Variants in GOSR2 observed in about 807,000 individuals in gnomAD.
GOSR2 encodes the protein 27 kDa Golgi SNARE protein.
In GOSR2, 20 loss-of-function variants were observed where a neutral mutation model predicts 27.9. That is an observed-to-expected ratio of 0.72 (90% CI 0.50 to 1.04). The LOEUF is 1.04. Among genes scored for constraint, GOSR2 ranks in the 50% least tolerant of loss-of-function variants. GOSR2 has a pLI of 0.00. For synonymous variants in GOSR2, 91 were observed against 98.8 expected (o/e 0.92, Z 0.47); for missense variants, 261 against 270.5 (o/e 0.97, Z 0.25).
chr17:46,930,549 A>G (rs1186007974), intron 2 of GOSR2: 4 of 153,996 alleles, frequency 2.6e-5, no homozygotes, highest in Non-Finnish European at 4.3e-5. Context: ...GGACGTCAAC[A>G]TTGCTCAGCC....
chr17:46,963,497 A>G (rs2091178754), intron 6 of GOSR2, among the ~76,000 whole-genome samples: 2 of 151,776 alleles, frequency 1.3e-5, no homozygotes, highest in Non-Finnish European at 2.9e-5. Flanking sequence ...GTGAGCCAAG[A>G]TCACACCACG....
chr17:46,928,902 T>C (rs950603794), intron 1 of GOSR2, among the ~76,000 whole-genome samples: 1 of 152,170 alleles, frequency 6.6e-6, no homozygotes, highest in African/African-American at 2.4e-5. Flanking sequence ...ACCTGGTTTC[T>C]CTTTCTCAGC....
At chr17:46,972,827 G>A (rs2091406650) in intron 6 of GOSR2, among the ~76,000 whole-genome samples, 1 of 152,100 alleles carries the variant, frequency 6.6e-6, no homozygotes, top group Middle Eastern at 3.4e-3. Context: ...GCATCTCGAG[G>A]GCAGAGCCTG....
At chr17:46,959,754 C>A (rs1181705519) in intron 6 of GOSR2, among the ~76,000 whole-genome samples, 1 of 152,182 alleles carries the variant, frequency 6.6e-6, no homozygotes, top group Non-Finnish European at 1.5e-5. Context: ...CCACTCTCCA[C>A]TACAAAACTT....
intron 6 of GOSR2, among the ~76,000 whole-genome samples, chr17:46,956,394 G>A (rs1025592509): frequency 9.1e-5 from 13 of 142,806 alleles, no homozygotes; most frequent in African/African-American, 3.1e-4. Context: ...GGGTTCAAGC[G>A]ATTCTCCTGC....
At chr17:46,953,171 A>G (rs2090486390) in intron 6 of GOSR2, among the ~76,000 whole-genome samples, 1 of 151,880 alleles carries the variant, frequency 6.6e-6, no homozygotes, top group Admixed American at 6.6e-5. Context: ...AGCATTAGGT[A>G]TATCTCCTAA....
At chr17:46,962,895 C>G (rs972454338) in intron 6 of GOSR2, among the ~76,000 whole-genome samples, 3 of 152,202 alleles carry the variant, frequency 2.0e-5, no homozygotes, top group Admixed American at 1.3e-4. Flanking sequence ...GTGCTAGACC[C>G]TCTGCTAACT....
Position 46,923,176 on chromosome 17 carries a change from C to A in GOSR2, c.-17C>A. Reference sequence around the variant, plus strand: ...GAGGAAGCCAGAGCCGGAGCCGTGGCCTGCGGGGCCGGCGACATGGATCCC... The same window carrying A: ...GAGGAAGCCAGAGCCGGAGCCGTGGACTGCGGGGCCGGCGACATGGATCCC... On this transcript the variant is annotated 5_prime_UTR_variant, in exon 1 of 6. Transcript: ENST00000640051. 1.3e-6 allele frequency: 2 copies of A among 1,519,696 alleles called. No individual in the cohort carries two copies. The highest frequency in any genetic ancestry group is 1.8e-6 in the Non-Finnish European group (2 of 1,118,172). The allele number at this position is 1,519,696 out of a possible 1,614,324, so 94.1% of individuals were successfully genotyped here. A position where few individuals can be genotyped will look rare whatever the true frequency, so the allele number is the denominator to read the frequency against.
At chr17:46,962,381 C>G (rs1012843060) in intron 6 of GOSR2, among the ~76,000 whole-genome samples, 1 of 151,996 alleles carries the variant, frequency 6.6e-6, no homozygotes, top group African/African-American at 2.4e-5. Flanking sequence ...AAAGATACCC[C>G]CAATGAACCA....
At chr17:46,947,609 C>A (rs749369187) in intron 6 of GOSR2, among the ~76,000 whole-genome samples, 1 of 152,126 alleles carries the variant, frequency 6.6e-6, no homozygotes, top group Admixed American at 6.6e-5. Context: ...ATGGGGATGG[C>A]AGACATGGCT....
intron 6 of GOSR2, among the ~76,000 whole-genome samples, chr17:46,950,686 C>T (rs12940071): frequency 0.44 from 66,388 of 151,894 alleles, 14,976 homozygotes; most frequent in East Asian, 0.55. Context: ...CCTGCCTGCC[C>T]GGGGCCCTGC....
rs1362821296 is a variant in GOSR2 at position 46,942,003 on chromosome 17, C to T, written c.*3243C>T. 1 of 967,676 alleles carries T rather than the reference C, an allele frequency of 1.0e-6. No individual in the cohort carries two copies. Among genetic ancestry groups the T allele is most frequent in the South Asian group, 4.8e-5 (1 of 20,926 alleles). 59.9% of individuals were successfully genotyped at this position (967,676 alleles called of 1,614,324 possible). ...AAACTTGTTAAGTCCAAAATAAATT[C>T]TTACTGTTTATATCCTACCTTAGTC... On this transcript the variant is annotated 3_prime_UTR_variant, in exon 6 of 6. Transcript: ENST00000640051.
chr17:46,935,243 A>T lies in GOSR2; in HGVS notation c.477+74A>T, dbSNP rs764579366. ...ATCCAACAGTTTAGTAACTGTGTTT[A>T]TATTTTGATTACGTGTCCTCAAATT... On this transcript the variant is annotated intron_variant, in intron 5 of 5. Coordinates refer to ENST00000640051, the MANE Select transcript of GOSR2 (RefSeq NM_004287.5). The T allele has an allele frequency of 8.1e-6, 13 of 1,609,650 alleles. 1 individual carries two copies. Among genetic ancestry groups the T allele is most frequent in the Non-Finnish European group, 1.1e-5 (13 of 1,176,726 alleles).
intron 5 of GOSR2, chr17:46,935,965 T>C: frequency 1.0e-6 from 1 of 985,836 alleles, no homozygotes; most frequent in Non-Finnish European, 1.2e-6. Flanking sequence ...CACTCGGAAG[T>C]GTGAGCTTTA....
rs193273743 is a variant in GOSR2 at position 46,927,172 on chromosome 17, C to A, written c.30-2348C>A. Among the ~76,000 whole-genome samples, 8 of 152,122 alleles carry A rather than the reference C, an allele frequency of 5.3e-5. No homozygotes were observed. The East Asian group carries it at 1.2e-3, about 22-fold the overall frequency. On this transcript the variant is annotated intron_variant, in intron 1 of 5. Transcript: ENST00000640051. ...GAGTGTCATTTTGTATATTGATTGA[C>A]CATTTGGGTTTTCTTTTCTGTCATT...
downstream of GOSR2, among the ~76,000 whole-genome samples, chr17:46,967,300 G>GC (rs1054700040): frequency 6.6e-6 from 1 of 152,202 alleles, no homozygotes; most frequent in African/African-American, 2.4e-5. Flanking sequence ...TCTTACCCTT[G>GC]CTGGGCTTCA....
chr17:46,925,663 A>G (rs372297939), intron 1 of GOSR2, among the ~76,000 whole-genome samples: 12 of 152,316 alleles, frequency 7.9e-5, no homozygotes, highest in African/African-American at 2.4e-4. Context: ...AACTTTCGCA[A>G]CTGCAGAAAT....
downstream of GOSR2, among the ~76,000 whole-genome samples, chr17:46,946,958 A>G (rs2089957258): frequency 6.6e-6 from 1 of 152,174 alleles, no homozygotes; most frequent in South Asian, 2.1e-4. Flanking sequence ...CCCACCCAGC[A>G]GTGAGAGGAG....
At position 46,959,950 on chromosome 17, in the gene GOSR2, G is replaced by A. The variant is rs573796024; in HGVS notation, c.584-6584G>A. Reference sequence around the variant, plus strand: ...CCCTGAGACAGGACATCATGGAGTGGACTTTGGAGTGGCCACAATAGTCCA... The same window carrying A: ...CCCTGAGACAGGACATCATGGAGTGAACTTTGGAGTGGCCACAATAGTCCA... On this transcript the variant is annotated intron_variant, in intron 6 of 6. Transcript: ENST00000573224. Among the ~76,000 whole-genome samples, 7 of 152,314 alleles carry A rather than the reference G, an allele frequency of 4.6e-5. No homozygotes were observed. The South Asian group carries it at 1.5e-3, about 32-fold the overall frequency.
Sources: allele counts gnomAD v4.1 joint callset (sites outside exome capture counted in the v4.1 genomes callset), GRCh38; gene constraint gnomAD v4.1.1; transcripts MANE v1.5; gene names NCBI Gene and HGNC (gene_info 2026-07-23, HGNC 2026-07-21).